The following MTX3 variants were observed in gnomAD, a reference collection of about 807,000 sequenced individuals.
The protein encoded by MTX3 is metaxin-3.
Under a neutral mutation model 42.5 loss-of-function variants are expected in MTX3, and 27 were observed. The observed-to-expected ratio is 0.64, with a 90% confidence interval of 0.47 to 0.88. The LOEUF (loss-of-function observed/expected upper bound fraction) is 0.88. MTX3 is among the 40% of genes least tolerant of loss of function. MTX3 has a pLI of 0.00. For missense variants in MTX3, 378 were observed against 367.0 expected (o/e 1.03, Z -0.25); for synonymous variants, 144 against 132.9 (o/e 1.08, Z -0.57).
rs1040464315 is a variant in MTX3, at chr5:79,982,882, T to C, written c.*802A>G. On this transcript the variant is annotated 3_prime_UTR_variant, in exon 9 of 9. Coordinates refer to ENST00000512528, the MANE Select transcript of MTX3 (RefSeq NM_001363818.2). ...ATTTTACAGCCTAGCATAGTAACGA[T>C]AACCAGTACATTCACTTCTTCTGGA... 3 of 155,532 alleles carry C rather than the reference T, an allele frequency of 1.9e-5. No homozygotes were observed. Among genetic ancestry groups the C allele is most frequent in the Non-Finnish European group, 4.3e-5 (3 of 70,298 alleles). 9.6% of individuals were successfully genotyped at this position (155,532 alleles called of 1,614,324 possible). A position where few individuals can be genotyped will look rare whatever the true frequency, so the allele number is the denominator to read the frequency against.
At chr5:79,988,046 GC>G (rs1284663653) in intron 6 of MTX3, among the ~76,000 whole-genome samples, 192 bp downstream of exon 6, 5 of 152,088 alleles carry the variant, frequency 3.3e-5, no homozygotes, top group Non-Finnish European at 7.4e-5. Context: ...TGAACTTCTG[GC>G]CTCGGGTGAT....
intron 6 of MTX3, among the ~76,000 whole-genome samples, 180 bp from the exon 7 acceptor site, chr5:79,987,287 A>C (rs10066471): frequency 6.6e-6 from 1 of 151,670 alleles, no homozygotes; most frequent in Admixed American, 6.5e-5. Flanking sequence ...CTAAAAATAC[A>C]AAAGAAGTCG....
intron 4 of MTX3, 48 bp from the exon 5 acceptor site, chr5:79,988,692 G>T: frequency 7.0e-7 from 1 of 1,427,958 alleles, no homozygotes. Flanking sequence ...TTTATTAAAT[G>T]AAAGATCACT....
chr5:79,990,745 C>T (rs76766140), intron 1 of MTX3, 82 bp from the exon 2 acceptor site: 143,442 of 1,001,582 alleles, frequency 0.14, 11,411 homozygotes, highest in African/African-American at 0.28. Flanking sequence ...ACAGCCCCAT[C>T]CCCCAAAGGC....
In MTX3 at chr5:79,981,475, A is replaced by G. The variant is rs569648601; in HGVS notation, c.*2209T>C. The G allele has an allele frequency of 6.6e-6, 1 of 152,340 alleles. No individual in the cohort carries two copies. The highest frequency in any genetic ancestry group is 1.9e-4 in the East Asian group (1 of 5,184). The allele number at this position is 152,340 out of a possible 1,614,324, so 9.4% of individuals were successfully genotyped here. On this transcript the variant is annotated 3_prime_UTR_variant, in exon 9 of 9. Transcript: ENST00000512528. ...CTACTAAAAAAGAATAATACTTGTTATTCTAAAATGACCTCTTTTGATTAA... is the reference window on the plus strand; with the variant it reads ...CTACTAAAAAAGAATAATACTTGTTGTTCTAAAATGACCTCTTTTGATTAA...
Position 79,988,449 on chromosome 5 carries a change from A to G in MTX3, c.504+13T>C, listed in dbSNP as rs1304048170. The G allele has an allele frequency of 6.2e-7, 1 of 1,603,510 alleles. No individual in the cohort carries two copies. Among genetic ancestry groups the G allele is most frequent in the Non-Finnish European group, 8.5e-7 (1 of 1,176,356 alleles). Reference sequence around the variant, plus strand: ...CTCTAGGGCCCTTGCTTGAAGAATAATCCATACTATACCTGTGCTTCCACT... The same window carrying G: ...CTCTAGGGCCCTTGCTTGAAGAATAGTCCATACTATACCTGTGCTTCCACT... On this transcript the variant is annotated intron_variant, in intron 5 of 8. Coordinates refer to ENST00000512528, the MANE Select transcript of MTX3 (RefSeq NM_001363818.2).
chr5:79,990,898 G>T (rs1005856433), intron 1 of MTX3: 6 of 708,194 alleles, frequency 8.5e-6, no homozygotes, highest in Admixed American at 6.0e-5. Context: ...TTGCTTCGGG[G>T]TTTCACTCCA....
chr5:79,987,491 G>A (rs1831524477), intron 6 of MTX3, among the ~76,000 whole-genome samples: 1 of 143,146 alleles, frequency 7.0e-6, no homozygotes. Flanking sequence ...AAGCACATAA[G>A]AAAATACTAA....
Position 79,982,713 on chromosome 5 carries a change from A to T in MTX3, c.*971T>A. ...TTGTCAGAAAGCTTTTGACTACATG[A>T]TATGCATCTTATGAAAGAATATGCA... On this transcript the variant is annotated 3_prime_UTR_variant, in exon 9 of 9. Coordinates refer to ENST00000512528, the MANE Select transcript of MTX3 (RefSeq NM_001363818.2). 4.5e-6 allele frequency: 1 copy of T among 223,258 alleles called. No individual in the cohort carries two copies. The highest frequency in any genetic ancestry group is 5.3e-5 in the Admixed American group (1 of 18,810). The allele number at this position is 223,258 out of a possible 1,614,324, so 13.8% of individuals were successfully genotyped here.
intron 8 of MTX3, among the ~76,000 whole-genome samples, chr5:79,984,610 C>T (rs546244192): frequency 1.6e-4 from 24 of 149,830 alleles, no homozygotes; most frequent in African/African-American, 5.9e-4. Flanking sequence ...GTAAGTATTA[C>T]TATTTGTATC....
At chr5:79,989,527 C>G (rs1363001943) in intron 3 of MTX3, among the ~76,000 whole-genome samples, 2 of 152,144 alleles carry the variant, frequency 1.3e-5, no homozygotes. Context: ...GTAGTACAAA[C>G]AAAGCAACTA....
rs1040755272 is a variant in MTX3, at chr5:79,980,394, G to A, written c.*3290C>T. On this transcript the variant is annotated 3_prime_UTR_variant, in exon 9 of 9. Coordinates refer to ENST00000512528, the MANE Select transcript of MTX3 (RefSeq NM_001363818.2). ...CAATATTGAATAGAAATTATAAATG[G>A]AAATAAAAATGCTTGCTTTTATAAA... The A allele has an allele frequency of 6.6e-6, 1 of 151,882 alleles. No individual in the cohort carries two copies. The highest frequency in any genetic ancestry group is 2.4e-5 in the African/African-American group (1 of 41,320). The allele number at this position is 151,882 out of a possible 1,614,324, so 9.4% of individuals were successfully genotyped here.
rs1452261461 is a variant in MTX3 at position 79,977,600 on chromosome 5, C to T, written c.*6084G>A. ...AAGACACACAAAATGCCTCCTTACACACGATTAGTAATCTGGTTTTAGACT... is the reference window on the plus strand; with the variant it reads ...AAGACACACAAAATGCCTCCTTACATACGATTAGTAATCTGGTTTTAGACT... On this transcript the variant is annotated 3_prime_UTR_variant, in exon 9 of 9. Coordinates refer to ENST00000512528, the MANE Select transcript of MTX3 (RefSeq NM_001363818.2). The T allele has an allele frequency of 2.0e-5, 3 of 152,340 alleles. No individual in the cohort carries two copies. The highest frequency in any genetic ancestry group is 1.9e-4 in the East Asian group (1 of 5,188). The allele number at this position is 152,340 out of a possible 1,614,324, so 9.4% of individuals were successfully genotyped here. A position where few individuals can be genotyped will look rare whatever the true frequency, so the allele number is the denominator to read the frequency against.
At position 79,988,322 on chromosome 5, in the gene MTX3, A is replaced by C. The variant is rs1339968196; in HGVS notation, c.505-7T>G. Reference sequence around the variant, plus strand: ...CCTTGGCATCTCTGTATATCTAATAAGGATGAAATTATATCTCAAAAGTAG... The same window carrying C: ...CCTTGGCATCTCTGTATATCTAATACGGATGAAATTATATCTCAAAAGTAG... On this transcript the variant is annotated splice_polypyrimidine_tract_variant and splice_region_variant and intron_variant, in intron 5 of 8. Coordinates refer to ENST00000512528, the MANE Select transcript of MTX3 (RefSeq NM_001363818.2). 1.3e-6 allele frequency: 2 copies of C among 1,536,620 alleles called. No individual in the cohort carries two copies. Among genetic ancestry groups the C allele is most frequent in the Non-Finnish European group, 8.8e-7 (1 of 1,130,238 alleles).
At position 79,982,129 on chromosome 5, in the gene MTX3, AACAC is replaced by A. The variant is rs755012210; in HGVS notation, c.*1551_*1554del. On this transcript the variant is annotated 3_prime_UTR_variant, in exon 9 of 9. Transcript: ENST00000512528. Reference sequence around the variant, plus strand: ...CCTTTGAAGATGACTGACACACACAAACACACACACACACACCCTGTTGTAGAAG... The same window carrying A: ...CCTTTGAAGATGACTGACACACACAAACACACACACACCCTGTTGTAGAAG... The A allele has an allele frequency of 1.3e-4, 23 of 183,916 alleles. No individual in the cohort carries two copies. The highest frequency in any genetic ancestry group is 3.8e-4 in the African/African-American group (16 of 42,058). The allele number at this position is 183,916 out of a possible 1,614,324, so 11.4% of individuals were successfully genotyped here.
At chr5:79,989,290 G>A (rs1321888745) in intron 3 of MTX3, 46 bp from the exon 4 acceptor site, 1 of 1,227,898 alleles carries the variant, frequency 8.1e-7, no homozygotes, top group Non-Finnish European at 1.1e-6. Context: ...TCAAAGAGCA[G>A]CCCAAAGACA....
Position 79,981,886 on chromosome 5 carries a change from C to T in MTX3, c.*1798G>A, listed in dbSNP as rs1306172649. 1 of 151,902 alleles carries T rather than the reference C, an allele frequency of 6.6e-6. No individual in the cohort carries two copies. The highest frequency in any genetic ancestry group is 1.9e-4 in the East Asian group (1 of 5,178). The allele number at this position is 151,902 out of a possible 1,614,324, so 9.4% of individuals were successfully genotyped here. A position where few individuals can be genotyped will look rare whatever the true frequency, so the allele number is the denominator to read the frequency against. On this transcript the variant is annotated 3_prime_UTR_variant, in exon 9 of 9. Coordinates refer to ENST00000512528, the MANE Select transcript of MTX3 (RefSeq NM_001363818.2). The stretch of plus-strand genomic sequence containing the variant: ...TTATAACTGTAATATATTTCAAATA[C>T]TTTTTGGAGGGTCTGATATAAATCT...
Position 79,985,660 on chromosome 5 carries a change from C to T in MTX3, c.740-1G>A, listed in dbSNP as rs1178294737. The T allele has an allele frequency of 6.2e-7, 1 of 1,606,270 alleles. No homozygotes were observed. The highest frequency in any genetic ancestry group is 8.5e-7 in the Non-Finnish European group (1 of 1,174,088). On this transcript the variant is annotated splice_acceptor_variant, in intron 7 of 8. Coordinates refer to ENST00000512528, the MANE Select transcript of MTX3 (RefSeq NM_001363818.2). LOFTEE classifies it high-confidence loss of function. The stretch of plus-strand genomic sequence containing the variant: ...GTTTCTTGTCCAGCTGGAGAGATGC[C>T]TAAGAAGCCAGGACAGAAATCAGAG...
rs1831373712 is a variant in MTX3 at position 79,981,509 on chromosome 5, T to C, written c.*2175A>G. 6.6e-6 allele frequency: 1 copy of C among 152,234 alleles called. No individual in the cohort carries two copies. The highest frequency in any genetic ancestry group is 2.4e-5 in the African/African-American group (1 of 41,458). The allele number at this position is 152,234 out of a possible 1,614,324, so 9.4% of individuals were successfully genotyped here. A position where few individuals can be genotyped will look rare whatever the true frequency, so the allele number is the denominator to read the frequency against. Reference sequence around the variant, plus strand: ...TGACCTCTTTTGATTAAAATTTCAGTTCATAAAACATTACAGTATGCTTCT... The same window carrying C: ...TGACCTCTTTTGATTAAAATTTCAGCTCATAAAACATTACAGTATGCTTCT... On this transcript the variant is annotated 3_prime_UTR_variant, in exon 9 of 9. Transcript: ENST00000512528.
Sources: gnomAD v4.1 joint callset for allele counts (sites outside exome capture counted in the v4.1 genomes callset) on GRCh38, gnomAD v4.1.1 for gene constraint, MANE v1.5 for transcripts, NCBI Gene and HGNC (gene_info 2026-07-23, HGNC 2026-07-21) for gene names.